Variants in DPP6 observed in about 807,000 individuals in gnomAD.
DPP6 encodes A-type potassium channel modulatory protein DPP6.
A neutral mutation model predicts 122.6 loss-of-function variants in DPP6; 69 were observed. That is an observed-to-expected ratio of 0.56 (90% CI 0.46 to 0.69). DPP6 has a LOEUF of 0.69. Among genes scored for constraint, DPP6 ranks in the 30% least tolerant of loss-of-function variants. DPP6 has a pLI of 0.00. For synonymous variants in DPP6, 418 were observed against 433.1 expected, an observed-to-expected ratio of 0.97 and a Z score of 0.43; for missense variants, 928 against 1,116.9, an observed-to-expected ratio of 0.83 and a Z score of 2.41.
At chr7:154,731,379 T>C (rs1050516375) in intron 8 of DPP6, among the ~76,000 whole-genome samples, 11 of 152,248 alleles carry the variant, frequency 7.2e-5, no homozygotes, top group African/African-American at 2.4e-4. Context: ...ATCTTAAACA[T>C]ACTAAACATT....
At chr7:153,781,399 AG>A in the DPP6 span, among the ~76,000 whole-genome samples, 1 of 152,236 alleles carries the variant, frequency 6.6e-6, no homozygotes, top group African/African-American at 2.4e-5. Context: ...ATATGTGATT[AG>A]CAATAGAAGA....
chr7:154,150,908 A>T (rs529522905), intron 1 of DPP6, among the ~76,000 whole-genome samples: 1 of 152,236 alleles, frequency 6.6e-6, no homozygotes, highest in African/African-American at 2.4e-5. Flanking sequence ...CTCTCCTCTT[A>T]AAGGCCAGGA....
rs1804545147 is a variant in DPP6 at position 154,087,965 on chromosome 7, A to C, written c.243+34902A>C. ...TTCATCGGGTGTTCACTGAATGCAC[A>C]GACCTGCTGCAGAGCCTGGTTCTTG... On this transcript the variant is annotated intron_variant, in intron 1 of 25. Coordinates refer to ENST00000377770, the MANE Select transcript of DPP6 (RefSeq NM_130797.4). Among the ~76,000 whole-genome samples, 5 of 152,332 alleles carry C rather than the reference A, an allele frequency of 3.3e-5. No homozygotes were observed. In the South Asian group the frequency reaches 1.0e-3, roughly 32 times the overall value.
chr7:154,531,715 T>C (rs1827851471), intron 3 of DPP6, among the ~76,000 whole-genome samples: 1 of 152,186 alleles, frequency 6.6e-6, no homozygotes, highest in South Asian at 2.1e-4. Context: ...AACATTGTCT[T>C]CTGTAATACG....
At position 154,602,606 on chromosome 7, in the gene DPP6, G is replaced by A. The variant is rs1015549377; in HGVS notation, c.628-35215G>A. ...TGCCTGGCTAATTTTTTGTGTGTGT[G>A]TTTTTGTAGAGACAGGGTTTCACCA... On this transcript the variant is annotated intron_variant, in intron 5 of 25. Coordinates refer to ENST00000377770, the MANE Select transcript of DPP6 (RefSeq NM_130797.4). Among the ~76,000 whole-genome samples, 2 of 118,476 alleles carry A rather than the reference G, an allele frequency of 1.7e-5. 1 individual carries two copies. The highest frequency in any genetic ancestry group is 3.8e-5 in the Non-Finnish European group (2 of 52,806). 77.7% of individuals were successfully genotyped at this position (118,476 alleles called of 152,430 possible). A position where few individuals can be genotyped will look rare whatever the true frequency, so the allele number is the denominator to read the frequency against.
chr7:154,365,680 G>A (rs567852410), intron 1 of DPP6, among the ~76,000 whole-genome samples: 9 of 152,258 alleles, frequency 5.9e-5, no homozygotes, highest in East Asian at 1.9e-4. Flanking sequence ...GGGGCCAGGC[G>A]CGGTGGCTCA....
chr7:153,849,597 C>T, the DPP6 span, among the ~76,000 whole-genome samples: 1 of 152,086 alleles, frequency 6.6e-6, no homozygotes, highest in African/African-American at 2.4e-5. Context: ...TTCCAAAAGT[C>T]TATTTAGCAA....
chr7:154,221,164 A>G (rs1226059660), intron 1 of DPP6, among the ~76,000 whole-genome samples: 3 of 152,232 alleles, frequency 2.0e-5, no homozygotes, highest in Admixed American at 6.5e-5. Context: ...GTTTTAAGAC[A>G]GAGTCTCGTT....
chr7:154,595,276 C>T (rs887006887), intron 5 of DPP6, among the ~76,000 whole-genome samples: 1 of 152,136 alleles, frequency 6.6e-6, no homozygotes, highest in African/African-American at 2.4e-5. Context: ...TCCCCTTATG[C>T]TTCCTTTCTG....
chr7:153,811,999 T>TTGG, the DPP6 span, among the ~76,000 whole-genome samples: 2 of 152,148 alleles, frequency 1.3e-5, no homozygotes, highest in Admixed American at 1.3e-4. Context: ...GGATGCTGCT[T>TTGG]TGGTGGTGTT....
chr7:153,994,742 A>G (rs563235172), intron 1 of DPP6, among the ~76,000 whole-genome samples: 66 of 152,316 alleles, frequency 4.3e-4, no homozygotes, highest in African/African-American at 1.3e-3. Flanking sequence ...TTTAGTTATA[A>G]TACAAGTCAA....
At chr7:154,259,390 C>T (rs1398857309) in intron 1 of DPP6, among the ~76,000 whole-genome samples, 2 of 152,166 alleles carry the variant, frequency 1.3e-5, no homozygotes, top group Non-Finnish European at 2.9e-5. Context: ...ATACTGGATT[C>T]GTAAGTGCCA....
At chr7:154,134,940 CACACTTCCTGTGAGTGT>C (rs1175826593) in intron 1 of DPP6, among the ~76,000 whole-genome samples, 17 of 151,598 alleles carry the variant, frequency 1.1e-4, no homozygotes, top group Admixed American at 2.0e-4. Context: ...CCTGTGAACC[CACACTTCCTGTGAGTGT>C]ACACTTCCTG....
rs545748331 is a variant in DPP6, at chr7:154,267,633, T to C, written c.244-178581T>C. On this transcript the variant is annotated intron_variant, in intron 1 of 25. Coordinates refer to ENST00000377770, the MANE Select transcript of DPP6 (RefSeq NM_130797.4). ...TATATCCCTTACATATACACACATA[T>C]ACATGCACACATATATGCACACATA... 2.0e-5 allele frequency among the ~76,000 whole-genome samples: 3 copies of C among 151,082 alleles called. No individual in the cohort carries two copies. The East Asian group carries it at 5.8e-4, about 29-fold the overall frequency.
At chr7:154,106,123 C>T (rs1806145778) in intron 1 of DPP6, among the ~76,000 whole-genome samples, 1 of 151,680 alleles carries the variant, frequency 6.6e-6, no homozygotes, top group African/African-American at 2.4e-5. Context: ...GCCTATGCGC[C>T]CTTGTTTCTT....
chr7:153,856,570 C>A, the DPP6 span, among the ~76,000 whole-genome samples: 1 of 152,126 alleles, frequency 6.6e-6, no homozygotes, highest in Non-Finnish European at 1.5e-5. Context: ...TAAACATAAC[C>A]ATAAGTTAAG....
chr7:153,944,838 C>T (rs1449501354), intron 1 of DPP6, among the ~76,000 whole-genome samples: 1 of 151,928 alleles, frequency 6.6e-6, no homozygotes, highest in Non-Finnish European at 1.5e-5. Flanking sequence ...ACCATGTTAA[C>T]CAGGCTGGTC....
At chr7:153,770,747 C>T in the DPP6 span, among the ~76,000 whole-genome samples, 1 of 152,112 alleles carries the variant, frequency 6.6e-6, no homozygotes, top group African/African-American at 2.4e-5. Context: ...AGGTGAACAG[C>T]ATGTAAGACC....
intron 3 of DPP6, among the ~76,000 whole-genome samples, chr7:154,503,166 A>G (rs1417338967): frequency 6.6e-6 from 1 of 152,196 alleles, no homozygotes; most frequent in African/African-American, 2.4e-5. Flanking sequence ...GCCTTTATTT[A>G]CACTATTAAA....
Sources: allele counts gnomAD v4.1 joint callset (sites outside exome capture counted in the v4.1 genomes callset), GRCh38; gene constraint gnomAD v4.1.1; transcripts MANE v1.5; gene names NCBI Gene and HGNC (gene_info 2026-07-23, HGNC 2026-07-21).